Variants in IFT88 observed in about 807,000 individuals in gnomAD.
The protein encoded by IFT88 is intraflagellar transport 88.
Under a neutral mutation model 119.5 loss-of-function variants are expected in IFT88, and 74 were observed. The ratio of observed to expected loss-of-function variants is 0.62; its 90% CI spans 0.51 to 0.75. IFT88 has a LOEUF of 0.75. Among genes scored for constraint, IFT88 ranks in the 30% least tolerant of loss-of-function variants. The pLI is 0.00. For missense variants in IFT88, 961 were observed against 977.7 expected, an observed-to-expected ratio of 0.98 and a Z score of 0.23; for synonymous variants, 279 against 316.7, an observed-to-expected ratio of 0.88 and a Z score of 1.26.
At chr13:20,628,803 T>G (rs1319311384) in intron 15 of IFT88, among the ~76,000 whole-genome samples, 1 of 152,196 alleles carries the variant, frequency 6.6e-6, no homozygotes, top group Non-Finnish European at 1.5e-5. Context: ...AAGTAATGGT[T>G]TTGGATTGCA....
At chr13:20,641,490 TTGA>T in intron 18 of IFT88, 92 bp downstream of exon 18, 1 of 713,060 alleles carries the variant, frequency 1.4e-6, no homozygotes, top group Non-Finnish European at 2.4e-6. Flanking sequence ...AATGAAGTAA[TTGA>T]TGAGGATAAT....
intron 15 of IFT88, among the ~76,000 whole-genome samples, chr13:20,627,733 A>G (rs113741078): frequency 0.01 from 286 of 27,282 alleles, 1 homozygote; most frequent in Middle Eastern, 0.033. Flanking sequence ...TTCATCTCAA[A>G]AAAAAAAAAA....
chr13:20,585,020 T>TTA (rs2039403990), intron 3 of IFT88, among the ~76,000 whole-genome samples: 2 of 152,220 alleles, frequency 1.3e-5, no homozygotes, highest in Non-Finnish European at 1.5e-5. Flanking sequence ...AGATGAAGTG[T>TTA]CCTTCTGCTG....
At chr13:20,568,835 C>G (rs2137701098) in intron 1 of IFT88, among the ~76,000 whole-genome samples, 1 of 152,250 alleles carries the variant, frequency 6.6e-6, no homozygotes, top group East Asian at 1.9e-4. Context: ...ATTCTCCTGC[C>G]TCAGCCTCCC....
intron 13 of IFT88, among the ~76,000 whole-genome samples, chr13:20,611,060 C>T (rs1472242361): frequency 6.6e-6 from 1 of 151,514 alleles, no homozygotes; most frequent in Non-Finnish European, 1.5e-5. Flanking sequence ...CCACTGCACA[C>T]CAGCCTGGGT....
chr13:20,577,753 T>TA (rs2037677636), intron 2 of IFT88, among the ~76,000 whole-genome samples: 1 of 152,182 alleles, frequency 6.6e-6, no homozygotes, highest in African/African-American at 2.4e-5. Flanking sequence ...GGATTTGGTT[T>TA]GCTAGTGTTT....
chr13:20,679,918 C>G (rs1230654281), intron 24 of IFT88, among the ~76,000 whole-genome samples: 2 of 152,112 alleles, frequency 1.3e-5, no homozygotes, highest in Non-Finnish European at 2.9e-5. Context: ...TAGTGTCCAC[C>G]ATCTGATTAT....
intron 13 of IFT88, chr13:20,607,693 G>A (rs1350855177): frequency 4.6e-5 from 37 of 804,892 alleles, no homozygotes; most frequent in African/African-American, 2.5e-4. Context: ...ACTTGACTAC[G>A]TCTCACAGTG....
chr13:20,617,557 G>T (rs1443331263), intron 14 of IFT88, among the ~76,000 whole-genome samples: 1 of 152,166 alleles, frequency 6.6e-6, no homozygotes, highest in Non-Finnish European at 1.5e-5. Context: ...TCTTCAATTT[G>T]CTATTCCCTG....
At chr13:20,651,766 T>C (rs73433352) in intron 20 of IFT88, among the ~76,000 whole-genome samples, 201 of 152,092 alleles carry the variant, frequency 1.3e-3, no homozygotes, top group African/African-American at 4.3e-3. Context: ...TATGTTTGTA[T>C]AGGAAAAAAA....
At chr13:20,655,485 T>C (rs145740226) in intron 21 of IFT88, among the ~76,000 whole-genome samples, 1,460 of 145,158 alleles carry the variant, frequency 0.01, 25 homozygotes, top group African/African-American at 0.034. Flanking sequence ...TTTATTTATT[T>C]ATCCATTCAT....
At chr13:20,648,138 T>C (rs1043778010) in intron 20 of IFT88, among the ~76,000 whole-genome samples, 4 of 152,210 alleles carry the variant, frequency 2.6e-5, no homozygotes, top group African/African-American at 9.6e-5. Context: ...GGCTTATACC[T>C]GTAATCCCAG....
chr13:20,684,233 C>T lies in IFT88; in HGVS notation c.2243-6472C>T, dbSNP rs559371071. On this transcript the variant is annotated intron_variant, in intron 24 of 25. Transcript: ENST00000351808. ...ATTCCTGCCTAAATGGAACTGAGAG[C>T]GGTCGCTCGAGGCACTGCTGGAACA... Among the ~76,000 whole-genome samples, 205 of 152,294 alleles carry T rather than the reference C, an allele frequency of 1.3e-3. 1 individual carries two copies. Among genetic ancestry groups the T allele is most frequent in the Admixed American group, 3.7e-3 (57 of 15,288 alleles).
intron 2 of IFT88, among the ~76,000 whole-genome samples, chr13:20,581,055 A>G (rs1048525600): frequency 1.6e-4 from 24 of 152,140 alleles, no homozygotes; most frequent in Non-Finnish European, 1.0e-4. Flanking sequence ...CACCAGGGAC[A>G]CTTCCTACCT....
intron 16 of IFT88, among the ~76,000 whole-genome samples, chr13:20,633,408 G>A (rs2048502439): frequency 6.6e-6 from 1 of 152,166 alleles, no homozygotes; most frequent in South Asian, 2.1e-4. Context: ...TCACCTCTAG[G>A]AAGGGGGACA....
At chr13:20,690,613 T>C in intron 24 of IFT88, 92 bp from the exon 25 acceptor site, 2 of 814,906 alleles carry the variant, frequency 2.5e-6, no homozygotes, top group Non-Finnish European at 4.1e-6. Context: ...CCTGCTTGTT[T>C]CTTGGCAAAT....
At chr13:20,586,027 T>C (rs1043927070) in intron 3 of IFT88, among the ~76,000 whole-genome samples, 1 of 152,228 alleles carries the variant, frequency 6.6e-6, no homozygotes, top group African/African-American at 2.4e-5. Context: ...CAGTGAACTT[T>C]GTCTTTAATT....
chr13:20,599,191 A>T (rs187982801), intron 10 of IFT88, among the ~76,000 whole-genome samples: 3 of 152,194 alleles, frequency 2.0e-5, no homozygotes, highest in Admixed American at 2.0e-4. Flanking sequence ...ATGTTTTCTT[A>T]GAAGAACGCA....
intron 3 of IFT88, among the ~76,000 whole-genome samples, chr13:20,585,713 T>G (rs2039539458): frequency 6.6e-6 from 1 of 152,196 alleles, no homozygotes. Flanking sequence ...GCAGAGCATT[T>G]CAGGGGTGTA....
Sources: allele counts gnomAD v4.1 joint callset (sites outside exome capture counted in the v4.1 genomes callset), GRCh38; gene constraint gnomAD v4.1.1; transcripts MANE v1.5; gene names NCBI Gene and HGNC (gene_info 2026-07-23, HGNC 2026-07-21).